Variants in SPACA1 observed in about 807,000 individuals in gnomAD.
SPACA1 encodes the protein sperm acrosome membrane-associated protein 1.
In SPACA1, 17 loss-of-function variants were observed where a neutral mutation model predicts 32.6. The ratio of observed to expected loss-of-function variants is 0.52; its 90% CI spans 0.36 to 0.78. The LOEUF (loss-of-function observed/expected upper bound fraction) is 0.78, where lower values mean the gene tolerates loss of function less well. Ranked by LOEUF, SPACA1 falls within the 30% of genes least tolerant of loss-of-function variation. SPACA1 has a pLI of 0.01. For missense variants in SPACA1, 363 were observed against 373.4 expected (o/e 0.97, Z 0.23); for synonymous variants, 140 against 138.1 (o/e 1.01, Z -0.10).
Position 88,056,998 on chromosome 6 carries a change from T to G in SPACA1, c.266-614T>G, listed in dbSNP as rs970020529. On this transcript the variant is annotated intron_variant, in intron 2 of 6. Coordinates refer to ENST00000237201, the MANE Select transcript of SPACA1 (RefSeq NM_030960.3). ...AAATATTTAAAGGCATCATTTATGC[T>G]AAAATGTGATTTTTTATTTTCCTCC... Among the ~76,000 whole-genome samples, 45 of 152,222 alleles carry G rather than the reference T, an allele frequency of 3.0e-4. 1 individual carries two copies. Among genetic ancestry groups the G allele is most frequent in the African/African-American group, 1.0e-3 (42 of 41,472 alleles).
intron 5 of SPACA1, among the ~76,000 whole-genome samples, chr6:88,060,513 G>T (rs2127801114): frequency 6.6e-6 from 1 of 152,254 alleles, no homozygotes; most frequent in South Asian, 2.1e-4. Context: ...TTATTGAAAT[G>T]AAAACAGGTT....
intron 5 of SPACA1, 34 bp downstream of exon 5, chr6:88,059,622 T>C: frequency 1.3e-6 from 2 of 1,575,250 alleles, no homozygotes; most frequent in Non-Finnish European, 1.7e-6. Context: ...TTTGCTTATA[T>C]GCCAATCTTT....
Position 88,066,533 on chromosome 6 carries a change from C to T in SPACA1, c.*198C>T, listed in dbSNP as rs899278375. On this transcript the variant is annotated 3_prime_UTR_variant, in exon 7 of 7. Coordinates refer to ENST00000237201, the MANE Select transcript of SPACA1 (RefSeq NM_030960.3). ...TATCAAATATTACTTTTAATTTGTTCTCAACACTTATTTCAGGTAATAGCT... is the reference window on the plus strand; with the variant it reads ...TATCAAATATTACTTTTAATTTGTTTTCAACACTTATTTCAGGTAATAGCT... 5.4e-6 allele frequency: 2 copies of T among 370,046 alleles called. No homozygotes were observed. Among genetic ancestry groups the T allele is most frequent in the Non-Finnish European group, 9.3e-6 (2 of 215,334 alleles). 22.9% of individuals were successfully genotyped at this position (370,046 alleles called of 1,614,324 possible). A position where few individuals can be genotyped will look rare whatever the true frequency, so the allele number is the denominator to read the frequency against.
intron 3 of SPACA1, 75 bp from the exon 4 acceptor site, chr6:88,058,641 G>GAA (rs926680752): frequency 3.7e-5 from 35 of 938,180 alleles, no homozygotes; most frequent in East Asian, 1.5e-4. Flanking sequence ...CCTGTCTCAG[G>GAA]AAAAAAAAAA....
At chr6:88,065,123 T>A (rs1446949052) in intron 6 of SPACA1, among the ~76,000 whole-genome samples, 1 of 148,766 alleles carries the variant, frequency 6.7e-6, no homozygotes, top group African/African-American at 2.4e-5. Context: ...ATATATTACA[T>A]ATGTATATTT....
At chr6:88,058,046 C>T (rs1241661217) in intron 3 of SPACA1, among the ~76,000 whole-genome samples, 1 of 152,156 alleles carries the variant, frequency 6.6e-6, no homozygotes, top group Non-Finnish European at 1.5e-5. Context: ...GATTGGTAGA[C>T]TTTAAAATGG....
intron 5 of SPACA1, among the ~76,000 whole-genome samples, chr6:88,062,170 G>A (rs1582275273): frequency 1.3e-5 from 2 of 152,146 alleles, no homozygotes; most frequent in South Asian, 4.1e-4. Flanking sequence ...ACTATTTAGC[G>A]AGATCCCTAA....
At chr6:88,059,226 C>T (rs1186337101) in intron 4 of SPACA1, among the ~76,000 whole-genome samples, 1 of 152,100 alleles carries the variant, frequency 6.6e-6, no homozygotes, top group Non-Finnish European at 1.5e-5. Context: ...ATCATTAAAC[C>T]CATTTTTACA....
chr6:88,051,198 G>T (rs1051891818), intron 1 of SPACA1, among the ~76,000 whole-genome samples: 3 of 151,536 alleles, frequency 2.0e-5, no homozygotes, highest in African/African-American at 7.3e-5. Context: ...GTTATACCTT[G>T]TATACCATGT....
chr6:88,048,313 A>G lies in SPACA1; in HGVS notation c.208+200A>G, dbSNP rs557503249. ...TCATTCTCCCAGGCCACAGCAAGAT[A>G]CACAGATAAGCACGTATATAGAAAT... On this transcript the variant is annotated intron_variant, in intron 1 of 6. Coordinates refer to ENST00000237201, the MANE Select transcript of SPACA1 (RefSeq NM_030960.3). Among the ~76,000 whole-genome samples the G allele has an allele frequency of 2.2e-4, 33 of 152,358 alleles. No individual in the cohort carries two copies. The Middle Eastern group carries it at 0.01, about 47-fold the overall frequency.
chr6:88,063,212 A>C (rs1775922701), intron 5 of SPACA1, among the ~76,000 whole-genome samples: 1 of 152,188 alleles, frequency 6.6e-6, no homozygotes, highest in South Asian at 2.1e-4. Flanking sequence ...TTCTATTATT[A>C]GACATTTAGC....
intron 5 of SPACA1, among the ~76,000 whole-genome samples, chr6:88,061,017 A>G (rs1775889130): frequency 6.6e-6 from 1 of 152,094 alleles, no homozygotes; most frequent in African/African-American, 2.4e-5. Context: ...TTTTAAAAAC[A>G]CTCCAGTATC....
At chr6:88,048,383 A>AT (rs1182164569) in intron 1 of SPACA1, among the ~76,000 whole-genome samples, 2 of 151,928 alleles carry the variant, frequency 1.3e-5, no homozygotes, top group East Asian at 1.9e-4. Flanking sequence ...AAGGAAAAAG[A>AT]TTTTTTTTCA....
intron 5 of SPACA1, among the ~76,000 whole-genome samples, chr6:88,061,429 T>TGC (rs1412290903): frequency 1.6e-5 from 1 of 63,708 alleles, no homozygotes; most frequent in African/African-American, 6.6e-5. Flanking sequence ...GGCATGCTTG[T>TGC]GCGCACACAC....
Position 88,059,495 on chromosome 6 carries a change from C to T in SPACA1, c.517C>T (p.Arg173Cys), listed in dbSNP as rs757316591. ...AAATGATTCAGCAATCCTAGAAGTA[C>T]GCAAGGAAAGTCACCCCTTGGCTTT... ...LVNDSAILEV[R>C]KESHPLAFEC... is the part of the protein sequence containing the mutation. Residue 173 changes from arginine to cysteine, a missense_variant, in exon 5 of 7, where the codon CGC (arginine) becomes TGC (cysteine). Arg to Cys is a radical substitution (Grantham distance 180). Coordinates refer to ENST00000237201, the MANE Select transcript of SPACA1 (RefSeq NM_030960.3). The T allele has an allele frequency of 1.2e-5, 19 of 1,612,676 alleles. No individual in the cohort carries two copies. The highest frequency in any genetic ancestry group is 1.4e-5 in the Non-Finnish European group (17 of 1,179,464).
At chr6:88,065,962 G>A (rs1033677973) in intron 6 of SPACA1, among the ~76,000 whole-genome samples, 1 of 151,568 alleles carries the variant, frequency 6.6e-6, no homozygotes, top group Non-Finnish European at 1.5e-5. Context: ...TAGCTGTAAT[G>A]TAATGTACCT....
intron 3 of SPACA1, among the ~76,000 whole-genome samples, chr6:88,058,299 C>T (rs1775840325): frequency 6.6e-6 from 1 of 152,168 alleles, no homozygotes; most frequent in African/African-American, 2.4e-5. Context: ...ACTCAAACTC[C>T]TAATTATGTT....
chr6:88,055,335 C>T (rs2127799443), intron 2 of SPACA1, among the ~76,000 whole-genome samples: 1 of 152,242 alleles, frequency 6.6e-6, no homozygotes, highest in Middle Eastern at 3.4e-3. Context: ...GCAGACAAAG[C>T]AGACAAAACT....
Position 88,047,877 on chromosome 6 carries a change from G to C in SPACA1, c.-29G>C. 1 of 1,509,862 alleles carries C rather than the reference G, an allele frequency of 6.6e-7. No individual in the cohort carries two copies. The allele number at this position is 1,509,862 out of a possible 1,614,324, so 93.5% of individuals were successfully genotyped here. On this transcript the variant is annotated 5_prime_UTR_variant, in exon 1 of 7. Transcript: ENST00000237201. ...CCTCAGGAGCCGCGGCGGCGACTGC[G>C]CCTCGGACGGCCGTCGGGGCCGAGA...
Sources: allele counts gnomAD v4.1 joint callset (sites outside exome capture counted in the v4.1 genomes callset), GRCh38; gene constraint gnomAD v4.1.1; transcripts MANE v1.5; gene names NCBI Gene and HGNC (gene_info 2026-07-23, HGNC 2026-07-21).